APOOL: variants seen among roughly 807,000 people sequenced by gnomAD.
APOOL encodes the protein apolipoprotein O like, also known as MICOS complex subunit MIC27.
A neutral mutation model predicts 23.1 loss-of-function variants in APOOL; 12 were observed. The observed-to-expected ratio is 0.52, with a 90% CI of 0.33 to 0.84. The LOEUF is 0.84. Among genes scored for constraint, APOOL ranks in the 40% least tolerant of loss-of-function variants. The probability of loss-of-function intolerance (pLI) is 0.02; values close to 1 mark genes in which losing one functional copy is unlikely to be tolerated. For missense variants in APOOL, 212 were observed against 199.6 expected (o/e 1.06, Z -0.37); for synonymous variants, 77 against 69.9 (o/e 1.10, Z -0.51).
At chrX:85,016,272 T>G (rs1172511247) in intron 1 of APOOL, among the ~76,000 whole-genome samples, 1 of 104,897 alleles carries the variant, frequency 9.5e-6, no homozygotes, top group African/African-American at 3.5e-5. Flanking sequence ...ACCAACCTAA[T>G]AATGCCCAAC....
intron 1 of APOOL, among the ~76,000 whole-genome samples, chrX:85,017,818 C>T (rs1921530732): frequency 8.9e-6 from 1 of 111,942 alleles, no homozygotes; most frequent in African/African-American, 3.3e-5. Context: ...TTTAGATTCC[C>T]CAGTGGAATG....
At chrX:85,085,047 C>G (rs1602806110) in intron 8 of APOOL, among the ~76,000 whole-genome samples, 1 of 111,733 alleles carries the variant, frequency 8.9e-6, no homozygotes, top group Non-Finnish European at 1.9e-5. Context: ...GCTACAGCCT[C>G]TTCTCAGAAT....
At chrX:85,067,472 T>A (rs1039815181) in intron 6 of APOOL, among the ~76,000 whole-genome samples, 6 of 111,200 alleles carry the variant, frequency 5.4e-5, no homozygotes, top group African/African-American at 9.8e-5. Context: ...GAATTAGAAT[T>A]TATGGGGAGA....
rs1923488295 is a variant in APOOL at position 85,067,199 on chromosome X, A to G, written c.467A>G (p.Gln156Arg). ...TLGATVCYPV[Q>R]SVIIAKVTAK... is the part of the protein sequence containing the mutation. ...GGAGCAACTGTTTGCTACCCAGTTC[A>G]GTCCGTAATAATTGCTAAGGTAAGT... Residue 156 changes from glutamine (Q) to arginine (R), a missense_variant, in exon 6 of 9, where the codon CAG becomes CGG. Coordinates refer to ENST00000373173, the MANE Select transcript of APOOL (RefSeq NM_198450.6). 5.2e-6 allele frequency: 6 copies of G among 1,146,675 alleles called. No individual in the cohort carries two copies. Among genetic ancestry groups the G allele is most frequent in the Non-Finnish European group, 7.0e-6 (6 of 857,300 alleles). The allele number at this position is 1,146,675 out of a possible 1,213,427, so 94.5% of individuals were successfully genotyped here. A position where few individuals can be genotyped will look rare whatever the true frequency, so the allele number is the denominator to read the frequency against.
chrX:85,046,395 A>G, intron 1 of APOOL, 51 bp from the exon 2 acceptor site: 1 of 1,006,194 alleles, frequency 9.9e-7, no homozygotes. Context: ...TAGGAAATGG[A>G]AGATGGAAAG....
In APOOL at chrX:85,051,410, C is replaced by G; in HGVS notation, c.142C>G (p.Pro48Ala). ...GTAGCTCCCCATATATACTGCACCA[C>G]CGCTCCAGTCTAAATATGTTGAAGA... ...PEQLPIYTAP[P>A]LQSKYVEEQP... is the part of the protein sequence containing the mutation. Residue 48 changes from proline to alanine, a missense_variant, in exon 3 of 9, where the codon CCG (proline) becomes GCG (alanine). By Grantham distance (27) the Pro-to-Ala change is conservative (BLOSUM62 -1). Coordinates refer to ENST00000373173, the MANE Select transcript of APOOL (RefSeq NM_198450.6). 1 of 1,210,026 alleles carries G rather than the reference C, an allele frequency of 8.3e-7. No individual in the cohort carries two copies. The highest frequency in any genetic ancestry group is 1.1e-6 in the Non-Finnish European group (1 of 894,722).
At position 85,036,271 on chromosome X, in the gene APOOL, C is replaced by T. The variant is rs138016978; in HGVS notation, c.16-10175C>T. ...ATGGGATTGTATTCTTAAGTTGGCT[C>T]TCTACCTGGATGTTGATAATTTATA... On this transcript the variant is annotated intron_variant, in intron 1 of 8. Transcript: ENST00000373173. Among the ~76,000 whole-genome samples the T allele has an allele frequency of 5.0e-3, 557 of 111,718 alleles. 4 individuals carry two copies. Among genetic ancestry groups the T allele is most frequent in the African/African-American group, 0.017 (535 of 30,742 alleles).
At chrX:85,078,674 C>G (rs1183989102) in intron 8 of APOOL, among the ~76,000 whole-genome samples, 1 of 111,036 alleles carries the variant, frequency 9.0e-6, no homozygotes, top group Non-Finnish European at 1.9e-5. Flanking sequence ...CTATAAATTA[C>G]CTTGGGCAGT....
chrX:85,004,826 T>C (rs2042794132), intron 1 of APOOL, among the ~76,000 whole-genome samples: 1 of 111,413 alleles, frequency 9.0e-6, no homozygotes, highest in Admixed American at 9.5e-5. Flanking sequence ...AAAAATTTTA[T>C]GGGCATGTCA....
chrX:85,068,432 G>A (rs1240621929), intron 6 of APOOL, among the ~76,000 whole-genome samples: 1 of 101,023 alleles, frequency 9.9e-6, no homozygotes, highest in Non-Finnish European at 2.0e-5. Context: ...TTGAGATGGG[G>A]TCTTTCTCTG....
At position 85,059,768 on chromosome X, in the gene APOOL, C is replaced by T. The variant is rs1017350521; in HGVS notation, c.394+3843C>T. ...AATTTGTTTGAGTTCATTGTAGAGT[C>T]TGGATATTAGCCCTTTGTCAGATGA... On this transcript the variant is annotated intron_variant, in intron 5 of 8. Coordinates refer to ENST00000373173, the MANE Select transcript of APOOL (RefSeq NM_198450.6). 6.3e-5 allele frequency among the ~76,000 whole-genome samples: 7 copies of T among 111,165 alleles called. 1 individual carries two copies. The highest frequency in any genetic ancestry group is 9.4e-5 in the Non-Finnish European group (5 of 53,078).
At chrX:85,071,458 AAT>A (rs1923661974) in intron 6 of APOOL, among the ~76,000 whole-genome samples, 1 of 110,881 alleles carries the variant, frequency 9.0e-6, no homozygotes, top group South Asian at 3.8e-4. Flanking sequence ...TTTTCCAAGA[AAT>A]ATGTTGGGAT....
intron 1 of APOOL, among the ~76,000 whole-genome samples, chrX:85,039,938 A>T (rs1438778771): frequency 8.9e-6 from 1 of 111,952 alleles, no homozygotes; most frequent in Non-Finnish European, 1.9e-5. Context: ...TGGTCCTGTC[A>T]TCATGTTGTT....
intron 1 of APOOL, among the ~76,000 whole-genome samples, chrX:85,035,136 T>G (rs1178417392): frequency 9.0e-6 from 1 of 111,614 alleles, no homozygotes; most frequent in Admixed American, 9.5e-5. Flanking sequence ...TTTTTGATTT[T>G]TTATAATAGC....
chrX:85,057,103 A>C (rs1428660650), intron 5 of APOOL, among the ~76,000 whole-genome samples: 2 of 111,660 alleles, frequency 1.8e-5, no homozygotes, highest in Non-Finnish European at 3.8e-5. Context: ...GGTTTACTTT[A>C]TCACTTAACC....
In APOOL at chrX:85,088,725, A is replaced by G. The variant is rs1924448839; in HGVS notation, c.*1047A>G. The G allele has an allele frequency of 9.0e-6, 1 of 110,655 alleles. No individual in the cohort carries two copies. Among genetic ancestry groups the G allele is most frequent in the Non-Finnish European group, 1.9e-5 (1 of 52,941 alleles). The allele number at this position is 110,655 out of a possible 1,213,427, so 9.1% of individuals were successfully genotyped here. On this transcript the variant is annotated 3_prime_UTR_variant, in exon 9 of 9. Transcript: ENST00000373173. ...CAGCCATGCATCCCCCTTTTCTAAG[A>G]CATGCTTCTCTTTGTGTTCTTGACC...
At chrX:85,080,787 G>A (rs1350624135) in intron 8 of APOOL, among the ~76,000 whole-genome samples, 1 of 111,735 alleles carries the variant, frequency 8.9e-6, no homozygotes, top group Non-Finnish European at 1.9e-5. Flanking sequence ...TGTATTGGGT[G>A]CATATATATT....
intron 1 of APOOL, among the ~76,000 whole-genome samples, chrX:85,041,192 A>G (rs951138512): frequency 2.1e-4 from 23 of 111,670 alleles, no homozygotes; most frequent in African/African-American, 6.8e-4. Flanking sequence ...GGACCCTGGT[A>G]GGGAAGCTCT....
intron 4 of APOOL, among the ~76,000 whole-genome samples, chrX:85,054,959 G>A (rs766209983): frequency 9.0e-6 from 1 of 111,731 alleles, no homozygotes; most frequent in Admixed American, 9.6e-5. Context: ...TGGTTAAAAA[G>A]CAATTATACT....
Sources: allele counts gnomAD v4.1 joint callset (sites outside exome capture counted in the v4.1 genomes callset), GRCh38; gene constraint gnomAD v4.1.1; transcripts MANE v1.5; gene names NCBI Gene and HGNC (gene_info 2026-07-23, HGNC 2026-07-21).